NTNG2: variants seen among roughly 807,000 people sequenced by gnomAD.
NTNG2 encodes the protein netrin G2.
Under a neutral mutation model 47.6 loss-of-function variants are expected in NTNG2, and 15 were observed. The ratio of observed to expected loss-of-function variants is 0.32; its 90% CI spans 0.21 to 0.49. The LOEUF (loss-of-function observed/expected upper bound fraction) is 0.49, where lower values mean the gene tolerates loss of function less well. Ranked by LOEUF, NTNG2 falls within the 20% of genes least tolerant of loss-of-function variation. NTNG2 has a pLI of 0.99. For synonymous variants in NTNG2, 307 were observed against 324.6 expected (o/e 0.95, Z 0.58); for missense variants, 578 against 764.6 (o/e 0.76, Z 2.88).
At chr9:132,185,471 G>A (rs1315435351) in intron 2 of NTNG2, among the ~76,000 whole-genome samples, 2 of 152,120 alleles carry the variant, frequency 1.3e-5, no homozygotes, top group Non-Finnish European at 2.9e-5. Flanking sequence ...TATTCATGGC[G>A]GCAGAGTGGG....
chr9:132,209,282 T>G (rs2087923258), intron 3 of NTNG2, among the ~76,000 whole-genome samples: 1 of 152,256 alleles, frequency 6.6e-6, no homozygotes, highest in Admixed American at 6.5e-5. Context: ...GGCTGTGCAC[T>G]GGAGGAAGCC....
Position 132,163,249 on chromosome 9 carries a change from G to A in NTNG2, c.-484+1010G>A, listed in dbSNP as rs1835217001. ...GTCCTAGGCACAGGGCTCGCAGCCG[G>A]CCCGAAGCACTGACTCGACCCTGGC... On this transcript the variant is annotated intron_variant, in intron 1 of 7. Transcript: ENST00000393229. This position sits in a 1 kb window ranked among gnomAD's most constrained non-coding sequence, Gnocchi z 7.2. Among the ~76,000 whole-genome samples, 1 of 152,080 alleles carries A rather than the reference G, an allele frequency of 6.6e-6. No homozygotes were observed. Among genetic ancestry groups the A allele is most frequent in the Admixed American group, 6.5e-5 (1 of 15,284 alleles).
Position 132,226,716 on chromosome 9 carries a change from T to C in NTNG2, c.858-133T>C. 1 of 675,418 alleles carries C rather than the reference T, an allele frequency of 1.5e-6. No homozygotes were observed. The highest frequency in any genetic ancestry group is 2.3e-6 in the Non-Finnish European group (1 of 427,054). The allele number at this position is 675,418 out of a possible 1,614,324, so 41.8% of individuals were successfully genotyped here. A position where few individuals can be genotyped will look rare whatever the true frequency, so the allele number is the denominator to read the frequency against. The stretch of plus-strand genomic sequence containing the variant: ...GTTTCTGGCCTAAAGGTTGGGCTGG[T>C]GGCCTCCAGGGTTTCTTCCTGGGCA... On this transcript the variant is annotated intron_variant, in intron 3 of 7. Coordinates refer to ENST00000393229, the MANE Select transcript of NTNG2 (RefSeq NM_032536.4). The surrounding 1 kb of genome is among the most constrained non-coding windows in gnomAD (Gnocchi z 4.8).
chr9:132,189,225 T>TGC (rs1837670506), intron 2 of NTNG2, among the ~76,000 whole-genome samples: 1 of 151,814 alleles, frequency 6.6e-6, no homozygotes, highest in South Asian at 2.1e-4. Flanking sequence ...CACTGGTGTG[T>TGC]GCCACCATGC....
At chr9:132,217,683 G>A (rs1481441758) in intron 3 of NTNG2, among the ~76,000 whole-genome samples, 2 of 152,302 alleles carry the variant, frequency 1.3e-5, no homozygotes, top group Admixed American at 6.5e-5. Flanking sequence ...TCTCATGCAA[G>A]AGCTTTATAG....
chr9:132,226,292 C>T lies in NTNG2; in HGVS notation c.858-557C>T, dbSNP rs1655459747. 6.6e-6 allele frequency among the ~76,000 whole-genome samples: 1 copy of T among 152,182 alleles called. No homozygotes were observed. The highest frequency in any genetic ancestry group is 1.9e-4 in the East Asian group (1 of 5,192). On this transcript the variant is annotated intron_variant, in intron 3 of 7. Transcript: ENST00000393229. The surrounding 1 kb of genome is among the most constrained non-coding windows in gnomAD (Gnocchi z 4.8). ...TATTTGAATGAATGGATGAATAATA[C>T]ACCTGTGAATGAACTGACGGGGGTG...
chr9:132,224,701 C>A (rs1028640883), intron 3 of NTNG2, among the ~76,000 whole-genome samples: 1 of 152,206 alleles, frequency 6.6e-6, no homozygotes, highest in Non-Finnish European at 1.5e-5. Flanking sequence ...GACAATATAT[C>A]TTGGAAATCT....
At chr9:132,164,216 T>A (rs1449856828) in intron 1 of NTNG2, among the ~76,000 whole-genome samples, 1 of 152,174 alleles carries the variant, frequency 6.6e-6, no homozygotes, top group Non-Finnish European at 1.5e-5. Flanking sequence ...GTTGTTAGGG[T>A]TTTTTAAATT....
intron 3 of NTNG2, among the ~76,000 whole-genome samples, chr9:132,202,535 A>G (rs1162035884): frequency 6.6e-6 from 1 of 152,094 alleles, no homozygotes; most frequent in Admixed American, 6.5e-5. Flanking sequence ...GGTGGGAGCT[A>G]TTTTCTCCTT....
chr9:132,210,912 G>A (rs929423592), intron 3 of NTNG2, among the ~76,000 whole-genome samples: 4 of 150,322 alleles, frequency 2.7e-5, no homozygotes, highest in African/African-American at 1.0e-4. Context: ...ACACACACAC[G>A]CAGCCATTCA....
intron 2 of NTNG2, among the ~76,000 whole-genome samples, chr9:132,181,155 C>T (rs2131358735): frequency 1.3e-5 from 2 of 152,244 alleles, no homozygotes; most frequent in Middle Eastern, 6.8e-3. Flanking sequence ...GCAGTCTTGG[C>T]TCACTGCAGC....
chr9:132,194,699 G>A (rs1216599899), intron 2 of NTNG2, among the ~76,000 whole-genome samples: 1 of 152,258 alleles, frequency 6.6e-6, no homozygotes, highest in Non-Finnish European at 1.5e-5. Context: ...GTGAGCTCCT[G>A]CCACCCTGAG....
rs944094646 is a variant in NTNG2 at position 132,221,293 on chromosome 9, C to T, written c.858-5556C>T. Among the ~76,000 whole-genome samples the T allele has an allele frequency of 6.6e-6, 1 of 152,170 alleles. No individual in the cohort carries two copies. The highest frequency in any genetic ancestry group is 6.5e-5 in the Admixed American group (1 of 15,272). Reference sequence around the variant, plus strand: ...GGCCCAGAGAAAAGCAAGATCAGAACATCTGCTGGACAGAGACATGGAGAG... The same window carrying T: ...GGCCCAGAGAAAAGCAAGATCAGAATATCTGCTGGACAGAGACATGGAGAG... On this transcript the variant is annotated intron_variant, in intron 3 of 7. Transcript: ENST00000393229. This position sits in a 1 kb window ranked among gnomAD's most constrained non-coding sequence, Gnocchi z 4.2.
At chr9:132,219,727 A>G (rs1840230375) in intron 3 of NTNG2, among the ~76,000 whole-genome samples, 1 of 152,140 alleles carries the variant, frequency 6.6e-6, no homozygotes, top group African/African-American at 2.4e-5. Context: ...TATAGTATTC[A>G]TTGCCTGCTT....
chr9:132,212,613 CTGT>C (rs2130836955), intron 3 of NTNG2, among the ~76,000 whole-genome samples: 1 of 152,204 alleles, frequency 6.6e-6, no homozygotes, highest in African/African-American at 2.4e-5. Context: ...CCCCACGGCT[CTGT>C]TGTTGGTTCC....
intron 2 of NTNG2, among the ~76,000 whole-genome samples, chr9:132,192,582 T>C (rs1345080383): frequency 1.3e-5 from 2 of 152,030 alleles, no homozygotes; most frequent in Admixed American, 6.6e-5. Flanking sequence ...TGGAGCAAGA[T>C]TCTGTCTCAA....
intron 2 of NTNG2, among the ~76,000 whole-genome samples, chr9:132,170,576 C>T (rs1490909427): frequency 6.6e-6 from 1 of 152,218 alleles, no homozygotes; most frequent in African/African-American, 2.4e-5. Flanking sequence ...TTGGGAGGTG[C>T]CCCTTAGCGC....
chr9:132,166,925 C>T lies in NTNG2; in HGVS notation c.94C>T (p.Pro32Ser). 6.2e-7 allele frequency: 1 copy of T among 1,614,226 alleles called. No homozygotes were observed. Residue 32 changes from proline (P) to serine (S), a missense_variant, in exon 2 of 8, where the codon CCC becomes TCC. Physicochemically the swap from Pro to Ser is moderately conservative, Grantham distance 74. Coordinates refer to ENST00000393229, the MANE Select transcript of NTNG2 (RefSeq NM_032536.4). ...ATCCTGGGTGACCACAGATGAGGGC[C>T]CCACCTGGGAGTTCTACGCCTGCCA... ...CKSWVTTDEG[P>S]TWEFYACQPK...
Position 132,240,705 on chromosome 9 carries a change from G to A in NTNG2, c.1223-205G>A, listed in dbSNP as rs535958942. 6 of 682,534 alleles carry A rather than the reference G, an allele frequency of 8.8e-6. No individual in the cohort carries two copies. In the Admixed American group the frequency reaches 1.1e-4, roughly 13 times the overall value. 42.3% of individuals were successfully genotyped at this position (682,534 alleles called of 1,614,324 possible). The stretch of plus-strand genomic sequence containing the variant: ...GGGCTGGGACGTGTTTGATCCCAAG[G>A]AAGGAAGCCAGAGTCTTCTCTCCAG... On this transcript the variant is annotated intron_variant, in intron 6 of 7. Transcript: ENST00000393229.
Sources: allele counts gnomAD v4.1 joint callset (sites outside exome capture counted in the v4.1 genomes callset), GRCh38; gene constraint gnomAD v4.1.1; non-coding constraint Gnocchi (gnomAD v3.1); transcripts MANE v1.5; gene names NCBI Gene and HGNC (gene_info 2026-07-23, HGNC 2026-07-21).